ELF5: variants seen among roughly 807,000 people sequenced by gnomAD.
The protein encoded by ELF5 is ETS-related transcription factor Elf-5.
A neutral mutation model predicts 38.2 loss-of-function variants in ELF5; 31 were observed. That is an observed-to-expected ratio of 0.81 (90% confidence interval 0.61 to 1.10). The LOEUF (loss-of-function observed/expected upper bound fraction) is 1.10, where lower values mean the gene tolerates loss of function less well. Ranked by LOEUF, ELF5 falls within the 50% of genes least tolerant of loss-of-function variation. The probability of loss-of-function intolerance (pLI) is 0.00; values close to 1 mark genes in which losing one functional copy is unlikely to be tolerated. For missense variants in ELF5, 300 were observed against 306.6 expected (o/e 0.98, Z 0.16); for synonymous variants, 121 against 112.5 (o/e 1.08, Z -0.48).
Position 34,480,108 on chromosome 11 carries a change from T to C in ELF5, c.*110A>G. ...GATGTGGAGAAATTTTATCAGCATG[T>C]TTGCAGGTTAAAAAAAAAGAGAAGA... On this transcript the variant is annotated 3_prime_UTR_variant, in exon 7 of 7. Coordinates refer to ENST00000257832, the MANE Select transcript of ELF5 (RefSeq NM_001422.4). 1 of 857,488 alleles carries C rather than the reference T, an allele frequency of 1.2e-6. No individual in the cohort carries two copies. The highest frequency in any genetic ancestry group is 1.8e-6 in the Non-Finnish European group (1 of 546,834). 53.1% of individuals were successfully genotyped at this position (857,488 alleles called of 1,614,324 possible).
intron 2 of ELF5, among the ~76,000 whole-genome samples, chr11:34,500,269 G>A (rs1432194607): frequency 1.3e-5 from 2 of 152,184 alleles, no homozygotes; most frequent in African/African-American, 2.4e-5. Context: ...TTTGCCCGGG[G>A]CAGCACTGAA....
chr11:34,496,500 T>G (rs1297313621), intron 2 of ELF5, among the ~76,000 whole-genome samples: 6 of 152,186 alleles, frequency 3.9e-5, no homozygotes, highest in Non-Finnish European at 8.8e-5. Flanking sequence ...CTCTTCTCTT[T>G]CAGGAGGCTC....
chr11:34,494,105 G>A lies in ELF5; in HGVS notation c.122-393C>T, dbSNP rs115717753. On this transcript the variant is annotated intron_variant, in intron 2 of 6. Coordinates refer to ENST00000257832, the MANE Select transcript of ELF5 (RefSeq NM_001422.4). ...TGAAATTCTGATTCTACCACTTTCC[G>A]CTTGGCAAGGTCTGTGGACATTGAA... Among the ~76,000 whole-genome samples the A allele has an allele frequency of 4.0e-3, 611 of 152,284 alleles. 6 individuals are homozygous for A. Among genetic ancestry groups the A allele is most frequent in the African/African-American group, 0.014 (578 of 41,544 alleles).
intron 4 of ELF5, 102 bp downstream of exon 4, chr11:34,489,907 T>C: frequency 1.4e-6 from 2 of 1,391,404 alleles, no homozygotes; most frequent in Non-Finnish European, 2.0e-6. Context: ...TGGGATTGTT[T>C]TGGTTCATCA....
At chr11:34,502,916 T>C (rs570803829) in intron 2 of ELF5, among the ~76,000 whole-genome samples, 21 of 152,352 alleles carry the variant, frequency 1.4e-4, no homozygotes, top group African/African-American at 5.1e-4. Flanking sequence ...TGCGGAAGCC[T>C]CTGGCCAGAG....
chr11:34,492,406 C>T (rs1163988724), intron 3 of ELF5: 3 of 152,222 alleles, frequency 2.0e-5, no homozygotes, highest in Non-Finnish European at 2.9e-5. Context: ...TCCTCCTCTT[C>T]AAGCAGGGGG....
chr11:34,512,069 G>A (rs540081197), intron 1 of ELF5, among the ~76,000 whole-genome samples: 12 of 152,112 alleles, frequency 7.9e-5, no homozygotes, highest in African/African-American at 2.9e-4. Flanking sequence ...ATACCCAAAT[G>A]TCCACTCCGT....
At chr11:34,510,296 A>C (rs1359073063) in intron 1 of ELF5, among the ~76,000 whole-genome samples, 2 of 147,892 alleles carry the variant, frequency 1.4e-5, no homozygotes, top group African/African-American at 2.6e-5. Context: ...ATCTTTTATA[A>C]AAGCAGAAAA....
In ELF5 at chr11:34,504,438, T is replaced by C. The variant is rs147492627; in HGVS notation, c.121+1191A>G. On this transcript the variant is annotated intron_variant, in intron 2 of 6. Transcript: ENST00000257832. ...GCACGCGTGTGTGTATGTGTGTCCA[T>C]GTGGGGTGGGGGCAGGTGTGGGATT... Among the ~76,000 whole-genome samples, 828 of 152,100 alleles carry C rather than the reference T, an allele frequency of 5.4e-3. 9 individuals carry two copies. The highest frequency in any genetic ancestry group is 0.019 in the African/African-American group (780 of 41,446).
intron 2 of ELF5, among the ~76,000 whole-genome samples, chr11:34,501,503 G>A (rs35495760): frequency 0.22 from 33,399 of 152,012 alleles, 4,777 homozygotes; most frequent in Non-Finnish European, 0.31. Flanking sequence ...CTACTGGAGG[G>A]TTGGCTACTG....
chr11:34,504,078 A>C (rs1421659093), intron 2 of ELF5, among the ~76,000 whole-genome samples: 4 of 152,100 alleles, frequency 2.6e-5, no homozygotes, highest in African/African-American at 9.7e-5. Context: ...GAATAGGCAG[A>C]AAGAGGGGGC....
At chr11:34,495,982 G>A (rs889559882) in intron 2 of ELF5, among the ~76,000 whole-genome samples, 1 of 152,248 alleles carries the variant, frequency 6.6e-6, no homozygotes, top group Non-Finnish European at 1.5e-5. Flanking sequence ...GCCCTAGATG[G>A]CCATCGGTGT....
intron 2 of ELF5, 24 bp downstream of exon 2, chr11:34,505,605 A>T: frequency 6.2e-7 from 1 of 1,612,584 alleles, no homozygotes; most frequent in Non-Finnish European, 8.5e-7. Flanking sequence ...CTGCACTCAG[A>T]TGGGCTCCTT....
chr11:34,511,530 T>A (rs1850756400), intron 1 of ELF5: 3 of 1,614,124 alleles, frequency 1.9e-6, no homozygotes, highest in Non-Finnish European at 2.5e-6. Flanking sequence ...CATGAGAAAG[T>A]TGGCTGCAGG....
chr11:34,508,366 G>A (rs2064444345), intron 1 of ELF5, among the ~76,000 whole-genome samples: 1 of 152,148 alleles, frequency 6.6e-6, no homozygotes, highest in African/African-American at 2.4e-5. Context: ...AGCTGGGTGT[G>A]TTGGTGCATG....
At chr11:34,482,595 T>A in intron 4 of ELF5, 96 bp from the exon 5 acceptor site, 1 of 996,740 alleles carries the variant, frequency 1.0e-6, no homozygotes, top group South Asian at 1.7e-5. Flanking sequence ...TTGAATGCCT[T>A]TGTAGTAGAA....
At chr11:34,505,872 C>T in intron 1 of ELF5, 119 bp from the exon 2 acceptor site, 1 of 1,271,232 alleles carries the variant, frequency 7.9e-7, no homozygotes, top group Non-Finnish European at 1.0e-6. Context: ...ATATGTCACT[C>T]ACTAGGAGCA....
rs1054678919 is a variant in ELF5 at position 34,478,817 on chromosome 11, A to G, written c.*1401T>C. The G allele has an allele frequency of 6.5e-6, 1 of 152,696 alleles. No homozygotes were observed. The highest frequency in any genetic ancestry group is 1.5e-5 in the Non-Finnish European group (1 of 68,050). 9.5% of individuals were successfully genotyped at this position (152,696 alleles called of 1,614,324 possible). On this transcript the variant is annotated 3_prime_UTR_variant, in exon 7 of 7. Transcript: ENST00000257832. The stretch of plus-strand genomic sequence containing the variant: ...TGAACATGTTAAATACTTTATTCAC[A>G]TTGTTTACAAACTATATCCACCTGG...
At chr11:34,494,885 A>T (rs965617365) in intron 2 of ELF5, among the ~76,000 whole-genome samples, 5 of 152,246 alleles carry the variant, frequency 3.3e-5, no homozygotes, top group African/African-American at 4.8e-5. Flanking sequence ...CTTAATATAC[A>T]TAAAAGTACC....
Sources: gnomAD v4.1 joint callset for allele counts (sites outside exome capture counted in the v4.1 genomes callset) on GRCh38, gnomAD v4.1.1 for gene constraint, MANE v1.5 for transcripts, NCBI Gene and HGNC (gene_info 2026-07-23, HGNC 2026-07-21) for gene names.